Variants in TRIM2 observed in about 807,000 individuals in gnomAD.
TRIM2 encodes tripartite motif containing 2.
A neutral mutation model predicts 75.2 loss-of-function variants in TRIM2; 20 were observed. That is an observed-to-expected ratio of 0.27 (90% confidence interval 0.19 to 0.39). The LOEUF (loss-of-function observed/expected upper bound fraction) is 0.39. Ranked by LOEUF, TRIM2 falls within the 10% of genes least tolerant of loss-of-function variation. The pLI, the probability that TRIM2 is intolerant of heterozygous loss-of-function variation, is 1.00. For missense variants in TRIM2, 660 were observed against 990.8 expected (o/e 0.67, Z 4.48); for synonymous variants, 373 against 388.3 (o/e 0.96, Z 0.46).
chr4:153,154,146 G>A (rs1174374531), intron 1 of TRIM2, among the ~76,000 whole-genome samples: 3 of 152,192 alleles, frequency 2.0e-5, no homozygotes, highest in Non-Finnish European at 4.4e-5. Flanking sequence ...TAAAGGTTCC[G>A]AGGAGCGTTT....
chr4:153,247,679 A>AC (rs1368782057), intron 1 of TRIM2, among the ~76,000 whole-genome samples: 2 of 59,300 alleles, frequency 3.4e-5, no homozygotes, highest in Non-Finnish European at 6.9e-5. Context: ...CTCTGTCTCA[A>AC]AAAAAAAAAA....
chr4:153,152,856 T>C (rs1728854686), upstream of TRIM2, among the ~76,000 whole-genome samples: 1 of 152,186 alleles, frequency 6.6e-6, no homozygotes, highest in African/African-American at 2.4e-5. Context: ...GAAATACTGT[T>C]GGGAAAAGGA....
At chr4:153,330,755 T>C (rs1165226236) in intron 11 of TRIM2, among the ~76,000 whole-genome samples, 2 of 152,158 alleles carry the variant, frequency 1.3e-5, no homozygotes, top group African/African-American at 4.8e-5. Context: ...GCTAACACCA[T>C]ACTTCATAGT....
chr4:153,328,447 C>CT, intron 10 of TRIM2, 83 bp from the exon 11 acceptor site: 1 of 1,276,302 alleles, frequency 7.8e-7, no homozygotes, highest in Non-Finnish European at 1.1e-6. Flanking sequence ...AAATAACCTG[C>CT]TCAAATAGAT....
At chr4:153,296,379 T>C (rs369275620) in intron 6 of TRIM2, among the ~76,000 whole-genome samples, 2 of 152,114 alleles carry the variant, frequency 1.3e-5, no homozygotes, top group East Asian at 1.9e-4. Context: ...TCTGAAAATC[T>C]TGAAGGAAAA....
intron 1 of TRIM2, among the ~76,000 whole-genome samples, chr4:153,175,743 T>C (rs1385282852): frequency 6.6e-6 from 1 of 152,214 alleles, no homozygotes; most frequent in Non-Finnish European, 1.5e-5. Flanking sequence ...GATTGGATCC[T>C]GGACTGGAAA....
chr4:153,302,370 G>C (rs1248756327), intron 6 of TRIM2, among the ~76,000 whole-genome samples: 1 of 152,162 alleles, frequency 6.6e-6, no homozygotes, highest in Non-Finnish European at 1.5e-5. Flanking sequence ...TAGGTGATGG[G>C]AATATAGAGA....
chr4:153,218,820 C>T (rs2149741297), intron 1 of TRIM2, among the ~76,000 whole-genome samples: 1 of 152,126 alleles, frequency 6.6e-6, no homozygotes, highest in East Asian at 1.9e-4. Context: ...AATTTTTAGG[C>T]AAAAGACTAG....
intron 1 of TRIM2, among the ~76,000 whole-genome samples, chr4:153,162,004 G>A (rs1019467406): frequency 3.9e-5 from 6 of 152,194 alleles, no homozygotes; most frequent in African/African-American, 1.2e-4. Flanking sequence ...TTCTCTCTGC[G>A]TGGGACCAAT....
At chr4:153,191,588 C>T (rs915911600) in intron 1 of TRIM2, among the ~76,000 whole-genome samples, 6 of 152,192 alleles carry the variant, frequency 3.9e-5, no homozygotes, top group African/African-American at 1.4e-4. Context: ...AGAAAATGTA[C>T]CCAGATTTTT....
At chr4:153,220,643 T>C (rs1046241134) in intron 1 of TRIM2, among the ~76,000 whole-genome samples, 5 of 152,240 alleles carry the variant, frequency 3.3e-5, no homozygotes, top group Non-Finnish European at 7.3e-5. Context: ...CTGTTCACAG[T>C]ATATATACAT....
chr4:153,244,775 G>C (rs79186511), intron 1 of TRIM2, among the ~76,000 whole-genome samples: 3 of 152,098 alleles, frequency 2.0e-5, no homozygotes, highest in Admixed American at 6.5e-5. Context: ...GCAGGAGAAA[G>C]TAAAACATAA....
intron 3 of TRIM2, among the ~76,000 whole-genome samples, chr4:153,282,951 C>A (rs989007651): frequency 2.4e-5 from 3 of 122,492 alleles, no homozygotes; most frequent in Non-Finnish European, 4.9e-5. Flanking sequence ...ACCAACCTAG[C>A]TAATTTTTTT....
At chr4:153,153,008 A>T (rs573956856), upstream of TRIM2, 2 of 152,406 alleles carry the variant, frequency 1.3e-5, no homozygotes, top group African/African-American at 4.8e-5. Flanking sequence ...GACTGCGGCT[A>T]GGCATGCGGA....
chr4:153,295,558 G>A lies in TRIM2; in HGVS notation c.1032G>A (p.Thr344=), dbSNP rs893805. 0.48 allele frequency: 767,231 copies of A among 1,613,008 alleles called. 186,461 individuals are homozygous for A. The highest frequency in any genetic ancestry group is 0.64 in the African/African-American group (47,624 of 74,812). Residue 344 remains threonine, a synonymous_variant, in exon 6 of 12, where the codon ACG becomes ACA. Transcript: ENST00000338700. This position sits in a 1 kb window ranked among gnomAD's most constrained non-coding sequence, Gnocchi z 7.2. ...GLKKSIHNLG[T]ILTTNAVASE... ...AGAAGTCCATCCACAACCTCGGGAC[G>A]ATCTTAACCACCAACGCCGTTGCCT...
At chr4:153,231,470 G>A (rs1743594221) in intron 1 of TRIM2, among the ~76,000 whole-genome samples, 1 of 152,162 alleles carries the variant, frequency 6.6e-6, no homozygotes, top group African/African-American at 2.4e-5. Flanking sequence ...TGGGCATTGG[G>A]AACAACCCAA....
At chr4:153,200,679 C>T (rs2149677582), upstream of TRIM2, among the ~76,000 whole-genome samples, 1 of 148,934 alleles carries the variant, frequency 6.7e-6, no homozygotes, top group African/African-American at 2.5e-5. Context: ...TGTTTCTCCA[C>T]ATCCTCCTCA....
chr4:153,337,515 A>G lies in TRIM2; in HGVS notation c.*2549A>G. On this transcript the variant is annotated 3_prime_UTR_variant, in exon 12 of 12. Transcript: ENST00000338700. ...CTCCAGGAAACACTATATTTTTTCC[A>G]AAAAATATGTGATTATATATGTTAA... The G allele has an allele frequency of 1.1e-5, 11 of 985,706 alleles. No individual in the cohort carries two copies. The highest frequency in any genetic ancestry group is 1.3e-5 in the Non-Finnish European group (11 of 829,786). The allele number at this position is 985,706 out of a possible 1,614,324, so 61.1% of individuals were successfully genotyped here. A position where few individuals can be genotyped will look rare whatever the true frequency, so the allele number is the denominator to read the frequency against.
At chr4:153,254,855 A>G (rs981689339) in intron 1 of TRIM2, among the ~76,000 whole-genome samples, 1 of 152,206 alleles carries the variant, frequency 6.6e-6, no homozygotes, top group Non-Finnish European at 1.5e-5. Flanking sequence ...TGCTATTTCC[A>G]GGGGAAAAAT....
Sources: allele counts gnomAD v4.1 joint callset (sites outside exome capture counted in the v4.1 genomes callset), GRCh38; gene constraint gnomAD v4.1.1; non-coding constraint Gnocchi (gnomAD v3.1); transcripts MANE v1.5; gene names NCBI Gene and HGNC (gene_info 2026-07-23, HGNC 2026-07-21).